Variants in APBB1 observed in about 807,000 individuals in gnomAD.
APBB1 encodes adaptor protein FE65a2.
Under a neutral mutation model 78.4 loss-of-function variants are expected in APBB1, and 22 were observed. That is an observed-to-expected ratio of 0.28 (90% CI 0.20 to 0.40). The LOEUF (loss-of-function observed/expected upper bound fraction) is 0.40. Among genes scored for constraint, APBB1 ranks in the 10% least tolerant of loss-of-function variants. The pLI is 1.00. For synonymous variants in APBB1, 369 were observed against 372.7 expected (o/e 0.99, Z 0.12); for missense variants, 749 against 932.4 (o/e 0.80, Z 2.56).
intron 2 of APBB1, chr11:6,404,897 G>T (rs928570114): frequency 1.8e-5 from 27 of 1,497,632 alleles, no homozygotes; most frequent in Middle Eastern, 2.4e-4. Context: ...GCAGAGAAAA[G>T]CTCATCCCGC....
chr11:6,395,677 C>T lies in APBB1; in HGVS notation c.1990G>A (p.Ala664Thr). The T allele has an allele frequency of 6.3e-7, 1 of 1,588,888 alleles. No individual in the cohort carries two copies. The highest frequency in any genetic ancestry group is 8.6e-7 in the Non-Finnish European group (1 of 1,166,958). Residue 664 changes from alanine to threonine, a missense_variant, in exon 15 of 15, where the codon GCC (alanine) becomes ACC (threonine). Physicochemically the swap from Ala to Thr is moderately conservative, Grantham distance 58. Coordinates refer to ENST00000609360, the MANE Select transcript of APBB1 (RefSeq NM_001164.5). This position sits in a 1 kb window ranked among gnomAD's most constrained non-coding sequence, Gnocchi z 5.2. ...CMLRYQKCLD[A>T]RSQASTSCLP... ...CAGGAGGTGGAGGCCTGGGAACGGG[C>T]ATCCAGACACTTCTGGTAGCGAAGC... is the stretch of plus-strand genomic sequence containing the variant.
chr11:6,400,173 T>G (rs1171761329), intron 12 of APBB1, among the ~76,000 whole-genome samples: 1 of 152,190 alleles, frequency 6.6e-6, no homozygotes, highest in Non-Finnish European at 1.5e-5. Context: ...TGCCACATGG[T>G]AAGCTTCAAA....
In APBB1 at chr11:6,401,857, T is replaced by C. The variant is rs768042149; in HGVS notation, c.1388+120A>G. 2 of 1,466,666 alleles carry C rather than the reference T, an allele frequency of 1.4e-6. No homozygotes were observed. The highest frequency in any genetic ancestry group is 2.4e-5 in the East Asian group (1 of 42,364). 90.9% of individuals were successfully genotyped at this position (1,466,666 alleles called of 1,614,324 possible). A position where few individuals can be genotyped will look rare whatever the true frequency, so the allele number is the denominator to read the frequency against. On this transcript the variant is annotated intron_variant, in intron 9 of 14. Coordinates refer to ENST00000609360, the MANE Select transcript of APBB1 (RefSeq NM_001164.5). This position sits in a 1 kb window ranked among gnomAD's most constrained non-coding sequence, Gnocchi z 4.5. The stretch of plus-strand genomic sequence containing the variant: ...GGGGGGAGGGGTAGACAGGCAAGCA[T>C]GCTGAGGTGGAGGGTAATGGTGGAG...
chr11:6,396,073 G>T, intron 13 of APBB1, 27 bp downstream of exon 13: 1 of 1,590,116 alleles, frequency 6.3e-7, no homozygotes, highest in African/African-American at 1.3e-5. Flanking sequence ...GCAAGGCGCA[G>T]CCACGACTTC....
chr11:6,406,346 T>G (rs934771471), intron 2 of APBB1, among the ~76,000 whole-genome samples: 1 of 152,090 alleles, frequency 6.6e-6, no homozygotes, highest in Non-Finnish European at 1.5e-5. Context: ...ACTTAAAGCT[T>G]TCCCCTTCTC....
chr11:6,400,891 T>A lies in APBB1; in HGVS notation c.1672+98A>T, dbSNP rs1203329673. The A allele has an allele frequency of 5.4e-6, 6 of 1,116,822 alleles. No individual in the cohort carries two copies. In the Admixed American group the frequency reaches 1.0e-4, roughly 19 times the overall value. 69.2% of individuals were successfully genotyped at this position (1,116,822 alleles called of 1,614,324 possible). A position where few individuals can be genotyped will look rare whatever the true frequency, so the allele number is the denominator to read the frequency against. Reference sequence around the variant, plus strand: ...TTAAAGGGTAGGGAGACACCAAGCATGAGGAAGGTCTGGTAGAAGAAGTAT... The same window carrying A: ...TTAAAGGGTAGGGAGACACCAAGCAAGAGGAAGGTCTGGTAGAAGAAGTAT... On this transcript the variant is annotated intron_variant, in intron 12 of 14. Transcript: ENST00000609360.
chr11:6,401,972 A>G lies in APBB1; in HGVS notation c.1388+5T>C, dbSNP rs539438835. 1.7e-5 allele frequency: 27 copies of G among 1,563,524 alleles called. No homozygotes were observed. The highest frequency in any genetic ancestry group is 2.2e-5 in the Non-Finnish European group (25 of 1,155,000). ...GGTGTAGGAGGGGGAAAATAGGCAT[A>G]GTACCTCTCTCTGGGTCCAGCAGCA... On this transcript the variant is annotated splice_donor_5th_base_variant and intron_variant, in intron 9 of 14. Coordinates refer to ENST00000609360, the MANE Select transcript of APBB1 (RefSeq NM_001164.5). This position sits in a 1 kb window ranked among gnomAD's most constrained non-coding sequence, Gnocchi z 4.5.
chr11:6,407,773 A>ATTTTT (rs34560475), intron 2 of APBB1, among the ~76,000 whole-genome samples: 21 of 137,726 alleles, frequency 1.5e-4, no homozygotes, highest in Middle Eastern at 3.8e-3. Context: ...TAGTAGAAGT[A>ATTTTT]TTTTTTTTTT....
In APBB1 at chr11:6,395,663, G is replaced by A. The variant is rs775898609; in HGVS notation, c.2004C>T (p.Ala668=). The A allele has an allele frequency of 2.5e-6, 4 of 1,592,450 alleles. No homozygotes were observed. The highest frequency in any genetic ancestry group is 3.4e-6 in the Non-Finnish European group (4 of 1,168,284). The stretch of plus-strand genomic sequence containing the variant: ...GGGGTGCTGGGAGGCAGGAGGTGGA[G>A]GCCTGGGAACGGGCATCCAGACACT... ...YQKCLDARSQ[A]STSCLPAPPA... is the part of the protein sequence containing the mutation. The change falls in exon 15 of 15, where the codon GCC becomes GCT. Residue 668 remains alanine, a synonymous_variant. Coordinates refer to ENST00000609360, the MANE Select transcript of APBB1 (RefSeq NM_001164.5). This position sits in a 1 kb window ranked among gnomAD's most constrained non-coding sequence, Gnocchi z 5.2.
chr11:6,403,792 G>A lies in APBB1; in HGVS notation c.752C>T (p.Thr251Met), dbSNP rs139454989. The A allele has an allele frequency of 5.5e-5, 87 of 1,570,916 alleles. No individual in the cohort carries two copies. Among genetic ancestry groups the A allele is most frequent in the East Asian group, 9.0e-5 (4 of 44,372 alleles). Residue 251 changes from threonine to methionine, a missense_variant, in exon 3 of 15, where the codon ACG (threonine) becomes ATG (methionine). By Grantham distance (81) the Thr-to-Met change is moderately conservative. Coordinates refer to ENST00000609360, the MANE Select transcript of APBB1 (RefSeq NM_001164.5). This position sits in a 1 kb window ranked among gnomAD's most constrained non-coding sequence, Gnocchi z 5.3. ...DSFWNPNAFE[T>M]DSDLPAGWMR... ...CCATCCAGCCGGCAGGTCGGAATCCGTCTCGAAGGCGTTGGGGTTCCAGAA... is the reference window on the plus strand; with the variant it reads ...CCATCCAGCCGGCAGGTCGGAATCCATCTCGAAGGCGTTGGGGTTCCAGAA...
chr11:6,401,203 C>G lies in APBB1; in HGVS notation c.1589-131G>C, dbSNP rs965595341. On this transcript the variant is annotated intron_variant, in intron 11 of 14. Transcript: ENST00000609360. The surrounding 1 kb of genome is among the most constrained non-coding windows in gnomAD (Gnocchi z 4.5). The stretch of plus-strand genomic sequence containing the variant: ...ATCTCGTCCCCTGCCTCCCTTTAAC[C>G]GGAGTCCCTCCACGTATTGGAGTAT... 1.2e-6 allele frequency: 2 copies of G among 1,610,890 alleles called. No homozygotes were observed. Among genetic ancestry groups the G allele is most frequent in the African/African-American group, 1.3e-5 (1 of 74,946 alleles).
At position 6,401,103 on chromosome 11, in the gene APBB1, T is replaced by A; in HGVS notation, c.1589-31A>T. On this transcript the variant is annotated intron_variant, in intron 11 of 14. Coordinates refer to ENST00000609360, the MANE Select transcript of APBB1 (RefSeq NM_001164.5). This position sits in a 1 kb window ranked among gnomAD's most constrained non-coding sequence, Gnocchi z 4.5. Reference sequence around the variant, plus strand: ...GGAAAGAAGAGAAGGTTGATCATGGTGGCAGACCTTGCTCACCCGCAGCCC... The same window carrying A: ...GGAAAGAAGAGAAGGTTGATCATGGAGGCAGACCTTGCTCACCCGCAGCCC... 1 of 1,614,094 alleles carries A rather than the reference T, an allele frequency of 6.2e-7. No homozygotes were observed. Among genetic ancestry groups the A allele is most frequent in the Non-Finnish European group, 8.5e-7 (1 of 1,180,000 alleles).
chr11:6,410,783 G>A lies in APBB1; in HGVS notation c.565C>T (p.Pro189Ser). 6.2e-7 allele frequency: 1 copy of A among 1,605,884 alleles called. No individual in the cohort carries two copies. Among genetic ancestry groups the A allele is most frequent in the Non-Finnish European group, 8.5e-7 (1 of 1,174,686 alleles). The change falls in exon 2 of 15, where the codon CCT (proline) becomes TCT (serine). Residue 189 changes from proline to serine, a missense_variant. Physicochemically the swap from Pro to Ser is moderately conservative, Grantham distance 74. This residue lies in a region of APBB1 where 635 missense variants were observed against 765.0 expected (regional missense o/e 0.83). Coordinates refer to ENST00000609360, the MANE Select transcript of APBB1 (RefSeq NM_001164.5). ...TCTGTAAGGGCTTGGGGCCTGGGAG[G>A]GGCCTCCACACTCTCCAGGGGCTCA... ...LPEPLESVEA[P>S]PRPQALTDGP...
At chr11:6,409,078 T>C (rs963882294) in intron 2 of APBB1, among the ~76,000 whole-genome samples, 2 of 152,132 alleles carry the variant, frequency 1.3e-5, no homozygotes, top group African/African-American at 2.4e-5. Flanking sequence ...AAACTGTTGT[T>C]GTTGTTGTTG....
rs1187933951 is a variant in APBB1 at position 6,403,665 on chromosome 11, G to T, written c.879C>A (p.Ser293Arg). Reference protein sequence around the residue: ...PGRASPSQGSSPQEESQLTWT... With the variant: ...PGRASPSQGSRPQEESQLTWT... ...GCCTCACCTGGGACTCCTCTTGGGG[G>T]CTGCTCCCCTGTGAGGGGGAGGCCC... The change falls in exon 3 of 15, where the codon AGC becomes AGA. Residue 293 changes from serine (S) to arginine (R), a missense_variant. Ser to Arg is a moderately radical substitution (Grantham distance 110). Coordinates refer to ENST00000609360, the MANE Select transcript of APBB1 (RefSeq NM_001164.5). The surrounding 1 kb of genome is among the most constrained non-coding windows in gnomAD (Gnocchi z 5.3). 1 of 1,608,584 alleles carries T rather than the reference G, an allele frequency of 6.2e-7. No homozygotes were observed. Among genetic ancestry groups the T allele is most frequent in the Non-Finnish European group, 8.5e-7 (1 of 1,176,906 alleles).
intron 1 of APBB1, among the ~76,000 whole-genome samples, chr11:6,415,498 C>T (rs1489232517): frequency 6.6e-6 from 1 of 152,204 alleles, no homozygotes. Context: ...CAGTGCCTGG[C>T]ACCCATAGCA....
rs761607466 is a variant in APBB1 at position 6,411,063 on chromosome 11, C to T, written c.285G>A (p.Leu95=). Residue 95 remains leucine, a synonymous_variant, in exon 2 of 15, where the codon TTG becomes TTA. Transcript: ENST00000609360. The surrounding 1 kb of genome is among the most constrained non-coding windows in gnomAD (Gnocchi z 5.2). ...RDQNRNVTLT[L]AEEASQEPEM... is the part of the protein sequence containing the mutation. ...CAGGCTCCTGGCTGGCCTCCTCCGC[C>T]AAGGTCAAGGTCACATTGCGATTCT... The T allele has an allele frequency of 6.2e-7, 1 of 1,613,868 alleles. No homozygotes were observed. Among genetic ancestry groups the T allele is most frequent in the Admixed American group, 1.7e-5 (1 of 60,032 alleles).
intron 6 of APBB1, 139 bp from the exon 7 acceptor site, chr11:6,402,864 G>C: frequency 8.9e-7 from 1 of 1,118,938 alleles, no homozygotes; most frequent in Non-Finnish European, 1.3e-6. Context: ...GTTAGGGAGA[G>C]GGGGATGTGG....
Position 6,395,825 on chromosome 11 carries a change from A to G in APBB1, c.1926T>C (p.Asn642=), listed in dbSNP as rs758340998. The change falls in exon 14 of 15, where the codon AAT becomes AAC. Residue 642 remains asparagine (N), a synonymous_variant. Coordinates refer to ENST00000609360, the MANE Select transcript of APBB1 (RefSeq NM_001164.5). The surrounding 1 kb of genome is among the most constrained non-coding windows in gnomAD (Gnocchi z 5.2). ...GCACAGCCTCTGAGAGGCTGGCAGC[A>G]TTGGGCTCGCACCAGAACATGTGGC... ...FCCHMFWCEP[N]AASLSEAVQA... 1 of 1,614,100 alleles carries G rather than the reference A, an allele frequency of 6.2e-7. No homozygotes were observed.
Sources: allele counts gnomAD v4.1 joint callset (sites outside exome capture counted in the v4.1 genomes callset), GRCh38; gene constraint gnomAD v4.1.1; regional missense constraint gnomAD v4.1.1; non-coding constraint Gnocchi (gnomAD v3.1); transcripts MANE v1.5; gene names NCBI Gene and HGNC (gene_info 2026-07-23, HGNC 2026-07-21).